NELL1: variants seen among roughly 807,000 people sequenced by gnomAD.
NELL1 encodes neural EGFL like 1, also known as protein kinase C-binding protein NELL1.
NELL1 carries 76 observed loss-of-function variants against 107.4 expected under a neutral mutation model. That is an observed-to-expected ratio of 0.71 (90% CI 0.59 to 0.86). The LOEUF is 0.86. Among genes scored for constraint, NELL1 ranks in the 40% least tolerant of loss-of-function variants. The probability of loss-of-function intolerance (pLI) is 0.00; values close to 1 mark genes in which losing one functional copy is unlikely to be tolerated. For synonymous variants in NELL1, 353 were observed against 341.2 expected, an observed-to-expected ratio of 1.03 and a Z score of -0.38; for missense variants, 1,024 against 1,005.5, an observed-to-expected ratio of 1.02 and a Z score of -0.25.
chr11:20,953,707 C>G (rs1041259855), intron 11 of NELL1, among the ~76,000 whole-genome samples: 3 of 152,148 alleles, frequency 2.0e-5, no homozygotes, highest in African/African-American at 7.2e-5. Context: ...GTACATATCA[C>G]GGGCCCATGC....
At chr11:21,096,999 G>A (rs1167992963) in intron 12 of NELL1, among the ~76,000 whole-genome samples, 3 of 151,880 alleles carry the variant, frequency 2.0e-5, no homozygotes, top group Non-Finnish European at 4.4e-5. Context: ...TTACAGGCAC[G>A]AGCCACCACC....
chr11:21,355,874 G>A (rs1314113553), intron 14 of NELL1, among the ~76,000 whole-genome samples: 1 of 152,106 alleles, frequency 6.6e-6, no homozygotes, highest in Non-Finnish European at 1.5e-5. Flanking sequence ...AGGCAGTATT[G>A]CTTGGATCTC....
At chr11:21,471,206 C>G (rs1283815014) in intron 15 of NELL1, among the ~76,000 whole-genome samples, 2 of 151,908 alleles carry the variant, frequency 1.3e-5, no homozygotes, top group African/African-American at 2.4e-5. Flanking sequence ...TCCACTCACT[C>G]TTTTGCCCTC....
intron 3 of NELL1, among the ~76,000 whole-genome samples, chr11:20,808,776 C>T (rs973918353): frequency 4.6e-5 from 7 of 152,186 alleles, no homozygotes; most frequent in Non-Finnish European, 7.3e-5. Flanking sequence ...CCGTTGGCAG[C>T]GCTGAGTTCC....
At chr11:20,941,298 A>G (rs549035384) in intron 10 of NELL1, among the ~76,000 whole-genome samples, 1 of 152,316 alleles carries the variant, frequency 6.6e-6, no homozygotes, top group Non-Finnish European at 1.5e-5. Context: ...ACTTCTGTCC[A>G]GTGGCTTTAC....
intron 13 of NELL1, among the ~76,000 whole-genome samples, chr11:21,203,526 T>A (rs1316387123): frequency 6.6e-6 from 1 of 151,334 alleles, no homozygotes; most frequent in African/African-American, 2.4e-5. Flanking sequence ...ATGTGATGGG[T>A]CTCCTGAATA....
chr11:21,152,141 G>A (rs548167040), intron 13 of NELL1, among the ~76,000 whole-genome samples: 13 of 152,274 alleles, frequency 8.5e-5, no homozygotes, highest in Admixed American at 2.0e-4. Flanking sequence ...GTCACAGTTC[G>A]GTATGTTTTC....
At position 20,745,872 on chromosome 11, in the gene NELL1, A is replaced by G. The variant is rs75205608; in HGVS notation, c.185-37808A>G. On this transcript the variant is annotated intron_variant, in intron 2 of 19. Coordinates refer to ENST00000357134, the MANE Select transcript of NELL1 (RefSeq NM_006157.5). ...TAGGAAGTAATGGCTGAACTATGAA[A>G]TATTTTATTCTTGTCCTCTGACTCT... is the stretch of plus-strand genomic sequence containing the variant. 3.9e-5 allele frequency among the ~76,000 whole-genome samples: 6 copies of G among 152,316 alleles called. No individual in the cohort carries two copies. The East Asian group carries it at 1.2e-3, about 29-fold the overall frequency.
At chr11:20,978,704 C>T (rs1851690079) in intron 12 of NELL1, among the ~76,000 whole-genome samples, 1 of 152,162 alleles carries the variant, frequency 6.6e-6, no homozygotes, top group African/African-American at 2.4e-5. Flanking sequence ...AATACTTAAC[C>T]TGGCCCTGTC....
In NELL1 at chr11:20,880,320, C is replaced by T. The variant is rs144204218; in HGVS notation, c.507-5124C>T. The stretch of plus-strand genomic sequence containing the variant: ...ACTGGGTCACATGACCTGTGCAGCT[C>T]CACATTCTTAGGTACCCATGAGACT... On this transcript the variant is annotated intron_variant, in intron 4 of 19. Coordinates refer to ENST00000357134, the MANE Select transcript of NELL1 (RefSeq NM_006157.5). Among the ~76,000 whole-genome samples the T allele has an allele frequency of 1.5e-3, 236 of 152,278 alleles. 1 individual carries two copies. Among genetic ancestry groups the T allele is most frequent in the Middle Eastern group, 0.01 (3 of 294 alleles).
At chr11:21,290,594 C>T (rs111656479) in intron 14 of NELL1, among the ~76,000 whole-genome samples, 1,853 of 152,134 alleles carry the variant, frequency 0.012, 46 homozygotes, top group African/African-American at 0.042. Flanking sequence ...TACAGGAAAG[C>T]TCTGGCTGGC....
chr11:20,790,607 CCA>C (rs1361849281), intron 3 of NELL1, among the ~76,000 whole-genome samples: 2 of 152,136 alleles, frequency 1.3e-5, no homozygotes, highest in Non-Finnish European at 2.9e-5. Context: ...GGGTCTGCAG[CCA>C]CAGTTTGGGC....
At chr11:21,408,107 T>C (rs10833526) in intron 15 of NELL1, among the ~76,000 whole-genome samples, 46,646 of 151,872 alleles carry the variant, frequency 0.31, 7,398 homozygotes, top group Admixed American at 0.4. Flanking sequence ...CAGCATGAGT[T>C]GATCATAGCT....
chr11:21,565,148 T>C (rs1856940017), intron 17 of NELL1, among the ~76,000 whole-genome samples: 1 of 151,908 alleles, frequency 6.6e-6, no homozygotes, highest in Non-Finnish European at 1.5e-5. Context: ...ATTATAAATA[T>C]TTTCCTGTCT....
chr11:20,814,770 A>G (rs976199169), intron 3 of NELL1, among the ~76,000 whole-genome samples: 8 of 152,116 alleles, frequency 5.3e-5, no homozygotes, highest in Non-Finnish European at 7.3e-5. Flanking sequence ...TTGTGAGCTC[A>G]TGTGTCTTTT....
chr11:21,495,784 C>T (rs1045822450), intron 15 of NELL1, among the ~76,000 whole-genome samples: 2 of 151,988 alleles, frequency 1.3e-5, no homozygotes, highest in African/African-American at 4.8e-5. Flanking sequence ...TTTGTATATG[C>T]TTATTGGCCA....
chr11:20,866,485 G>T (rs7128124), intron 4 of NELL1, among the ~76,000 whole-genome samples: 98,249 of 152,000 alleles, frequency 0.65, 33,283 homozygotes, highest in Non-Finnish European at 0.76. Flanking sequence ...CCAAAAGGAG[G>T]AAGCTGTCAA....
chr11:21,219,530 T>G (rs938334850), intron 13 of NELL1, among the ~76,000 whole-genome samples: 7 of 152,186 alleles, frequency 4.6e-5, no homozygotes, highest in African/African-American at 1.7e-4. Flanking sequence ...ACTTTTGAAG[T>G]CTTACCCTAA....
chr11:21,273,165 G>T (rs972394842), intron 14 of NELL1, among the ~76,000 whole-genome samples: 2 of 152,124 alleles, frequency 1.3e-5, no homozygotes, highest in East Asian at 3.9e-4. Context: ...AAAAAAATTA[G>T]ACGAATGGCT....
Sources: gnomAD v4.1 joint callset for allele counts (sites outside exome capture counted in the v4.1 genomes callset) on GRCh38, gnomAD v4.1.1 for gene constraint, MANE v1.5 for transcripts, NCBI Gene and HGNC (gene_info 2026-07-23, HGNC 2026-07-21) for gene names.